Variants in KCNIP1 observed in about 807,000 individuals in gnomAD.
The protein encoded by KCNIP1 is potassium voltage-gated channel interacting protein 1.
Under a neutral mutation model 33.0 loss-of-function variants are expected in KCNIP1, and 18 were observed. The observed-to-expected ratio is 0.55, with a 90% confidence interval of 0.38 to 0.81. KCNIP1 has a LOEUF of 0.81. Among genes scored for constraint, KCNIP1 ranks in the 30% least tolerant of loss-of-function variants. The pLI, the probability that KCNIP1 is intolerant of heterozygous loss-of-function variation, is 0.00. For missense variants in KCNIP1, 238 were observed against 271.6 expected, an observed-to-expected ratio of 0.88 and a Z score of 0.87; for synonymous variants, 93 against 98.3, an observed-to-expected ratio of 0.95 and a Z score of 0.32.
At chr5:170,393,664 A>G (rs1422455756) in intron 1 of KCNIP1, among the ~76,000 whole-genome samples, 2 of 152,254 alleles carry the variant, frequency 1.3e-5, no homozygotes, top group Non-Finnish European at 2.9e-5. Context: ...GACAAAGTAT[A>G]ACAACAGCAA....
chr5:170,617,123 G>C (rs1159116576), intron 1 of KCNIP1, among the ~76,000 whole-genome samples: 1 of 91,926 alleles, frequency 1.1e-5, no homozygotes, highest in Admixed American at 1.3e-4. Context: ...TATTTTCTCT[G>C]AGCTAAAATA....
At chr5:170,395,524 A>T (rs753720068) in intron 1 of KCNIP1, among the ~76,000 whole-genome samples, 6 of 152,248 alleles carry the variant, frequency 3.9e-5, no homozygotes, top group Non-Finnish European at 7.3e-5. Context: ...TGCTATGGGC[A>T]GACCTGTTTT....
chr5:170,659,904 C>T (rs1355620977), intron 1 of KCNIP1, among the ~76,000 whole-genome samples: 7 of 152,134 alleles, frequency 4.6e-5, no homozygotes, highest in Non-Finnish European at 8.8e-5. Context: ...ATTTCCTGGC[C>T]CCTTGGAGCT....
At chr5:170,540,855 GAGA>G (rs1756177616) in intron 1 of KCNIP1, among the ~76,000 whole-genome samples, 2 of 152,180 alleles carry the variant, frequency 1.3e-5, no homozygotes, top group African/African-American at 4.8e-5. Flanking sequence ...TCCCCTGGTA[GAGA>G]AGGTCTTAGT....
intron 1 of KCNIP1, among the ~76,000 whole-genome samples, chr5:170,447,553 C>T (rs1756150857): frequency 6.6e-6 from 1 of 152,098 alleles, no homozygotes; most frequent in Non-Finnish European, 1.5e-5. Flanking sequence ...AGGTGCGTGG[C>T]CTCTAGCTCC....
chr5:170,446,454 C>T (rs1756119292), intron 1 of KCNIP1, among the ~76,000 whole-genome samples: 1 of 151,828 alleles, frequency 6.6e-6, no homozygotes, highest in African/African-American at 2.4e-5. Flanking sequence ...CAGCTCCTGA[C>T]ACTCCACCTC....
At chr5:170,694,369 T>G (rs1172155978) in intron 1 of KCNIP1, among the ~76,000 whole-genome samples, 3 of 152,178 alleles carry the variant, frequency 2.0e-5, no homozygotes, top group Non-Finnish European at 4.4e-5. Context: ...AAGTGTTTTT[T>G]AAAATGGTAA....
At chr5:170,572,964 T>G (rs1022369484) in intron 1 of KCNIP1, among the ~76,000 whole-genome samples, 1 of 152,222 alleles carries the variant, frequency 6.6e-6, no homozygotes, top group African/African-American at 2.4e-5. Context: ...CCCACTGTTA[T>G]ATTTGGGAAG....
intron 1 of KCNIP1, among the ~76,000 whole-genome samples, chr5:170,526,515 C>A (rs1755574962): frequency 6.6e-6 from 1 of 152,136 alleles, no homozygotes; most frequent in African/African-American, 2.4e-5. Flanking sequence ...CAGATTACAT[C>A]CATCTTTAAT....
chr5:170,593,206 C>T (rs1758324998), intron 1 of KCNIP1, among the ~76,000 whole-genome samples: 1 of 152,176 alleles, frequency 6.6e-6, no homozygotes, highest in Non-Finnish European at 1.5e-5. Context: ...GGTCAGGTGG[C>T]CTGATCCACA....
At chr5:170,467,084 G>C (rs1756623648) in intron 1 of KCNIP1, among the ~76,000 whole-genome samples, 1 of 152,182 alleles carries the variant, frequency 6.6e-6, no homozygotes, top group African/African-American at 2.4e-5. Context: ...CTTAGGGAGA[G>C]AAGTTTTGGC....
intron 1 of KCNIP1, among the ~76,000 whole-genome samples, chr5:170,485,686 A>G (rs1757076023): frequency 2.0e-5 from 3 of 152,166 alleles, no homozygotes; most frequent in Admixed American, 2.0e-4. Context: ...ACATGATCTC[A>G]GAGGAAGGCC....
intron 1 of KCNIP1, among the ~76,000 whole-genome samples, chr5:170,458,148 AG>A (rs1756429666): frequency 6.6e-6 from 1 of 152,196 alleles, no homozygotes; most frequent in African/African-American, 2.4e-5. Flanking sequence ...AAAAAGACAA[AG>A]GAAAAATTAT....
chr5:170,568,648 TAAAAAAAAAAA>T lies in KCNIP1; in HGVS notation c.61+64030_61+64040del, dbSNP rs33992187. Among the ~76,000 whole-genome samples, 27 of 43,730 alleles carry T rather than the reference TAAAAAAAAAAA, an allele frequency of 6.2e-4. 1 individual carries two copies. The highest frequency in any genetic ancestry group is 2.1e-3 in the South Asian group (1 of 470). 28.7% of individuals were successfully genotyped at this position (43,730 alleles called of 152,430 possible). On this transcript the variant is annotated intron_variant, in intron 1 of 7. Coordinates refer to ENST00000328939, the MANE Select transcript of KCNIP1 (RefSeq NM_014592.4). Reference sequence around the variant, plus strand: ...CGAACATGGTGAAACCCGTTTCTACTAAAAAAAAAAAAAAAAAAAAAAAAATTAGCCAAGCA... The same window carrying T: ...CGAACATGGTGAAACCCGTTTCTACTAAAAAAAAAAAAAATTAGCCAAGCA...
At position 170,680,294 on chromosome 5, in the gene KCNIP1, C is replaced by T. The variant is rs573010514; in HGVS notation, c.62-38464C>T. Among the ~76,000 whole-genome samples the T allele has an allele frequency of 1.5e-4, 23 of 152,214 alleles. No homozygotes were observed. In the South Asian group the frequency reaches 1.9e-3, roughly 12 times the overall value. On this transcript the variant is annotated intron_variant, in intron 1 of 7. Coordinates refer to ENST00000328939, the MANE Select transcript of KCNIP1 (RefSeq NM_014592.4). ...GGCTCACTGCTGACAATCCAGTGTA[C>T]GAAGAAGGGAAATTACCCCCACAGA...
At chr5:170,411,851 G>A (rs765164395) in intron 1 of KCNIP1, among the ~76,000 whole-genome samples, 2 of 152,186 alleles carry the variant, frequency 1.3e-5, no homozygotes, top group Admixed American at 1.3e-4. Flanking sequence ...AAGTCAGTGA[G>A]TAGGTGAGTG....
intron 1 of KCNIP1, among the ~76,000 whole-genome samples, chr5:170,630,318 T>C (rs1433399240): frequency 6.6e-6 from 1 of 152,248 alleles, no homozygotes; most frequent in African/African-American, 2.4e-5. Flanking sequence ...GATGACTTAA[T>C]GTACTGAGTG....
At chr5:170,430,952 C>T (rs959917568) in intron 1 of KCNIP1, among the ~76,000 whole-genome samples, 1 of 152,204 alleles carries the variant, frequency 6.6e-6, no homozygotes, top group African/African-American at 2.4e-5. Flanking sequence ...TGGCTGGGAA[C>T]ATTCAGGCAG....
intron 1 of KCNIP1, among the ~76,000 whole-genome samples, chr5:170,636,887 G>T (rs1404246771): frequency 6.6e-6 from 1 of 152,114 alleles, no homozygotes; most frequent in African/African-American, 2.4e-5. Context: ...AGGCTTAGGG[G>T]TGTGAAACAA....
Sources: gnomAD v4.1 joint callset for allele counts (sites outside exome capture counted in the v4.1 genomes callset) on GRCh38, gnomAD v4.1.1 for gene constraint, MANE v1.5 for transcripts, NCBI Gene and HGNC (gene_info 2026-07-23, HGNC 2026-07-21) for gene names.